CSNK1G3: variants seen among roughly 807,000 people sequenced by gnomAD.
The protein encoded by CSNK1G3 is casein kinase 1 gamma 3.
In CSNK1G3, 23 loss-of-function variants were observed where a neutral mutation model predicts 64.3. That is an observed-to-expected ratio of 0.36 (90% CI 0.26 to 0.51). CSNK1G3 has a LOEUF of 0.51. CSNK1G3 is among the 20% of genes least tolerant of loss of function. The pLI is 0.96. For missense variants in CSNK1G3, 357 were observed against 510.5 expected, an observed-to-expected ratio of 0.70 and a Z score of 2.90; for synonymous variants, 158 against 162.2, an observed-to-expected ratio of 0.97 and a Z score of 0.20.
intron 10 of CSNK1G3, 121 bp from the exon 12 acceptor site, chr5:123,604,603 C>A: frequency 1.9e-6 from 1 of 517,840 alleles, no homozygotes; most frequent in South Asian, 3.4e-5. Flanking sequence ...CTCACATTAA[C>A]TTTCTAATTG....
At chr5:123,551,082 C>T (rs1055329999) in intron 2 of CSNK1G3, among the ~76,000 whole-genome samples, 4 of 152,054 alleles carry the variant, frequency 2.6e-5, no homozygotes, top group Non-Finnish European at 5.9e-5. Context: ...AACTTCTTGT[C>T]CTGTGAAATT....
intron 10 of CSNK1G3, among the ~76,000 whole-genome samples, chr5:123,601,585 G>A (rs1794510112): frequency 6.6e-6 from 1 of 152,186 alleles, no homozygotes; most frequent in Admixed American, 6.5e-5. Context: ...GGTATAAAAA[G>A]TCTTCCTCTG....
intron 8 of CSNK1G3, 112 bp downstream of exon 8, chr5:123,588,623 AAT>A (rs1791762992): frequency 1.1e-5 from 8 of 735,918 alleles, no homozygotes; most frequent in Non-Finnish European, 1.8e-5. Context: ...AAGAGCTAAA[AAT>A]ATGATTTAAA....
chr5:123,520,916 A>G (rs531087832), intron 1 of CSNK1G3, among the ~76,000 whole-genome samples: 7 of 152,030 alleles, frequency 4.6e-5, no homozygotes, highest in Admixed American at 2.0e-4. Context: ...TTTATTTTCT[A>G]TTTCTGTGAA....
intron 10 of CSNK1G3, among the ~76,000 whole-genome samples, chr5:123,593,971 T>A (rs1792930023): frequency 6.6e-6 from 1 of 152,080 alleles, no homozygotes; most frequent in Non-Finnish European, 1.5e-5. Context: ...GGCTTTAGAA[T>A]ATATTTAATT....
chr5:123,558,701 TACAG>T (rs1473943896), intron 4 of CSNK1G3, among the ~76,000 whole-genome samples: 1 of 152,212 alleles, frequency 6.6e-6, no homozygotes, highest in Non-Finnish European at 1.5e-5. Context: ...TTAAGTCTGA[TACAG>T]ACAGGCCTCA....
chr5:123,527,998 G>C lies in CSNK1G3; in HGVS notation c.-248+15428G>C, dbSNP rs1580907046. 2.0e-5 allele frequency among the ~76,000 whole-genome samples: 3 copies of C among 152,212 alleles called. No homozygotes were observed. In the East Asian group the frequency reaches 5.8e-4, roughly 29 times the overall value. ...CTGTAAATCTATTGATGAGGATAAA[G>C]TTGTTTGTCTTCCTTGTTCTCAGTC... On this transcript the variant is annotated intron_variant, in intron 1 of 12. Transcript: ENST00000345990.
intron 1 of CSNK1G3, 41 bp from the exon 2 acceptor site, chr5:123,545,376 A>G (rs188287259): frequency 4.2e-6 from 1 of 238,406 alleles, no homozygotes; most frequent in East Asian, 7.9e-5. Flanking sequence ...CATATATTTT[A>G]AAATTCTTAG....
chr5:123,573,563 A>T, intron 5 of CSNK1G3, 22 bp downstream of exon 5: 1 of 1,564,496 alleles, frequency 6.4e-7, no homozygotes, highest in Non-Finnish European at 8.6e-7. Flanking sequence ...AAGGTATTTG[A>T]AGTTGTTTGA....
chr5:123,598,891 G>T (rs1307114494), intron 10 of CSNK1G3, among the ~76,000 whole-genome samples: 6 of 152,106 alleles, frequency 3.9e-5, no homozygotes, highest in Admixed American at 2.0e-4. Flanking sequence ...AAAATGTTGG[G>T]TAGTGGGGAT....
chr5:123,598,358 A>G (rs1365369698), intron 10 of CSNK1G3, among the ~76,000 whole-genome samples: 1 of 152,172 alleles, frequency 6.6e-6, no homozygotes, highest in African/African-American at 2.4e-5. Context: ...AGAAGTGTGT[A>G]AAGACATGGT....
At chr5:123,556,178 A>G (rs1227273248) in intron 3 of CSNK1G3, among the ~76,000 whole-genome samples, 2 of 152,188 alleles carry the variant, frequency 1.3e-5, no homozygotes, top group East Asian at 3.9e-4. Flanking sequence ...AATAAAACTT[A>G]TAAGTTTTGC....
chr5:123,579,671 G>A (rs545602680), intron 6 of CSNK1G3, among the ~76,000 whole-genome samples: 1 of 152,062 alleles, frequency 6.6e-6, no homozygotes, highest in East Asian at 1.9e-4. Flanking sequence ...ATGGCGAAGT[G>A]AGTGTGATAT....
At chr5:123,598,347 A>C (rs901608016) in intron 10 of CSNK1G3, among the ~76,000 whole-genome samples, 3 of 152,158 alleles carry the variant, frequency 2.0e-5, no homozygotes, top group Admixed American at 1.3e-4. Flanking sequence ...CTTGAATGAA[A>C]AGAAGTGTGT....
chr5:123,553,602 T>C (rs1784090656), intron 3 of CSNK1G3, among the ~76,000 whole-genome samples: 2 of 152,228 alleles, frequency 1.3e-5, no homozygotes, highest in Admixed American at 1.3e-4. Flanking sequence ...AGCTGGCTAT[T>C]GCTTGACTTT....
At chr5:123,563,711 C>G (rs957940963) in intron 4 of CSNK1G3, among the ~76,000 whole-genome samples, 7 of 151,986 alleles carry the variant, frequency 4.6e-5, no homozygotes, top group African/African-American at 1.2e-4. Context: ...GTTACCAGAT[C>G]AAGTTTCTCA....
At chr5:123,602,524 C>T (rs2151126369) in intron 10 of CSNK1G3, among the ~76,000 whole-genome samples, 1 of 152,196 alleles carries the variant, frequency 6.6e-6, no homozygotes, top group African/African-American at 2.4e-5. Flanking sequence ...CTCTGTAGCC[C>T]ATGACAGGGT....
chr5:123,556,976 T>C (rs1784765812), intron 3 of CSNK1G3, among the ~76,000 whole-genome samples: 1 of 152,068 alleles, frequency 6.6e-6, no homozygotes, highest in African/African-American at 2.4e-5. Context: ...GTTATAGGGA[T>C]ATATGGAGTT....
intron 6 of CSNK1G3, among the ~76,000 whole-genome samples, chr5:123,578,240 C>G (rs1427929038): frequency 6.6e-6 from 1 of 151,830 alleles, no homozygotes; most frequent in East Asian, 1.9e-4. Flanking sequence ...AACTGCCTGT[C>G]TGTTCTCAGG....
Sources: allele counts gnomAD v4.1 joint callset (sites outside exome capture counted in the v4.1 genomes callset), GRCh38; gene constraint gnomAD v4.1.1; transcripts MANE v1.5; gene names NCBI Gene and HGNC (gene_info 2026-07-23, HGNC 2026-07-21).